The following PTPRT variants were observed in gnomAD, a reference collection of about 807,000 sequenced individuals.
The protein encoded by PTPRT is receptor-type tyrosine-protein phosphatase T.
Under a neutral mutation model 176.8 loss-of-function variants are expected in PTPRT, and 56 were observed. That is an observed-to-expected ratio of 0.32 (90% confidence interval 0.26 to 0.40). PTPRT has a LOEUF of 0.40. Among genes scored for constraint, PTPRT ranks in the 10% least tolerant of loss-of-function variants. PTPRT has a pLI of 1.00. For synonymous variants in PTPRT, 783 were observed against 739.0 expected, an observed-to-expected ratio of 1.06 and a Z score of -0.96; for missense variants, 1,540 against 1,908.2, an observed-to-expected ratio of 0.81 and a Z score of 3.60.
chr20:42,539,445 T>C (rs1180468634), intron 7 of PTPRT, among the ~76,000 whole-genome samples: 3 of 151,260 alleles, frequency 2.0e-5, no homozygotes, highest in Non-Finnish European at 4.4e-5. Context: ...TGATCTCTCA[T>C]TGCTTAAATA....
chr20:42,873,335 C>T (rs2078876242), intron 2 of PTPRT, among the ~76,000 whole-genome samples: 1 of 152,224 alleles, frequency 6.6e-6, no homozygotes, highest in South Asian at 2.1e-4. Context: ...ATGTTACCTA[C>T]ACTGCATAGG....
intron 7 of PTPRT, among the ~76,000 whole-genome samples, chr20:42,518,043 T>C (rs1228682828): frequency 2.6e-5 from 4 of 152,018 alleles, no homozygotes; most frequent in Admixed American, 2.0e-4. Context: ...CTTATAATTA[T>C]AATGTATTTG....
intron 7 of PTPRT, among the ~76,000 whole-genome samples, chr20:42,488,724 G>T (rs945757357): frequency 1.1e-4 from 16 of 152,036 alleles, no homozygotes; most frequent in African/African-American, 3.6e-4. Flanking sequence ...CAGTACTTTG[G>T]GAGGCCGAGG....
chr20:43,112,372 A>G (rs1450965119), intron 1 of PTPRT, among the ~76,000 whole-genome samples: 1 of 152,198 alleles, frequency 6.6e-6, no homozygotes, highest in Non-Finnish European at 1.5e-5. Flanking sequence ...CTTGTAAACA[A>G]TGGCATGGGA....
At chr20:42,419,577 G>T (rs980570886) in intron 9 of PTPRT, among the ~76,000 whole-genome samples, 2 of 152,092 alleles carry the variant, frequency 1.3e-5, no homozygotes, top group Non-Finnish European at 2.9e-5. Context: ...GGAACTTGAG[G>T]CTGGGGTAAG....
chr20:42,061,025 A>G, the PTPRT span, among the ~76,000 whole-genome samples: 35 of 152,354 alleles, frequency 2.3e-4, no homozygotes, highest in African/African-American at 8.4e-4. Flanking sequence ...AATGGGGATA[A>G]TAATGGAACC....
chr20:42,771,320 C>T (rs2077059159), intron 5 of PTPRT, 115 bp downstream of exon 5: 4 of 898,060 alleles, frequency 4.5e-6, no homozygotes, highest in South Asian at 3.1e-5. Flanking sequence ...GCTGTTGTCC[C>T]CCTCTGCATG....
intron 6 of PTPRT, among the ~76,000 whole-genome samples, chr20:42,691,552 A>T (rs1483324026): frequency 6.6e-6 from 1 of 152,140 alleles, no homozygotes; most frequent in Non-Finnish European, 1.5e-5. Flanking sequence ...CATAGAGCCT[A>T]CTCAGTTTGT....
the PTPRT span, among the ~76,000 whole-genome samples, chr20:42,042,495 G>T: frequency 6.6e-6 from 1 of 152,146 alleles, no homozygotes; most frequent in Non-Finnish European, 1.5e-5. Flanking sequence ...TGGTCTGGGA[G>T]CAGCTTTCCC....
Position 42,471,904 on chromosome 20 carries a change from C to T in PTPRT, c.1450+362G>A, listed in dbSNP as rs536302562. Among the ~76,000 whole-genome samples, 156 of 152,282 alleles carry T rather than the reference C, an allele frequency of 1.0e-3. 3 individuals are homozygous for T. Among genetic ancestry groups the T allele is most frequent in the Non-Finnish European group, 2.8e-4 (19 of 68,026 alleles). On this transcript the variant is annotated intron_variant, in intron 8 of 30. Coordinates refer to ENST00000373187, the MANE Select transcript of PTPRT (RefSeq NM_007050.6). ...ACTCCTGAGATAGGCAATCCACCTG[C>T]CTCAGCCTCCCAAAGTGCTAGGATT...
At chr20:42,334,746 C>T (rs1173524958) in intron 11 of PTPRT, among the ~76,000 whole-genome samples, 1 of 152,226 alleles carries the variant, frequency 6.6e-6, no homozygotes, top group Non-Finnish European at 1.5e-5. Context: ...CTCTGAATCT[C>T]ACTGGTTATG....
intron 7 of PTPRT, among the ~76,000 whole-genome samples, chr20:42,637,583 C>T (rs1007829133): frequency 3.3e-5 from 5 of 152,136 alleles, no homozygotes; most frequent in Non-Finnish European, 7.3e-5. Context: ...TAAAATCGCT[C>T]TTCTCCACAG....
intron 7 of PTPRT, among the ~76,000 whole-genome samples, chr20:42,592,705 G>A (rs1241588815): frequency 6.6e-6 from 1 of 152,196 alleles, no homozygotes; most frequent in African/African-American, 2.4e-5. Context: ...TACTATTTGT[G>A]TAGACCTTAC....
chr20:42,771,386 T>G (rs749050805), intron 5 of PTPRT, 49 bp downstream of exon 5: 101 of 1,506,164 alleles, frequency 6.7e-5, no homozygotes, highest in Non-Finnish European at 8.5e-5. Flanking sequence ...GTCCTTCTTT[T>G]CCCTTTCTCA....
intron 12 of PTPRT, among the ~76,000 whole-genome samples, chr20:42,303,863 T>C (rs578020024): frequency 7.2e-5 from 11 of 152,254 alleles, no homozygotes; most frequent in Non-Finnish European, 1.2e-4. Flanking sequence ...AGGTGATGTA[T>C]AGCAGGAAAC....
chr20:42,877,500 C>T (rs948448081), intron 2 of PTPRT, among the ~76,000 whole-genome samples: 8 of 152,042 alleles, frequency 5.3e-5, no homozygotes, highest in South Asian at 2.1e-4. Context: ...AGGCTGCTCT[C>T]GTGTGATTAC....
intron 7 of PTPRT, among the ~76,000 whole-genome samples, chr20:42,571,920 G>T (rs1046956491): frequency 6.6e-6 from 1 of 152,182 alleles, no homozygotes; most frequent in Admixed American, 6.5e-5. Flanking sequence ...TCAGCCAGGA[G>T]AATCTCATTA....
intron 25 of PTPRT, among the ~76,000 whole-genome samples, chr20:42,103,756 G>A (rs1324216580): frequency 6.6e-6 from 1 of 152,192 alleles, no homozygotes; most frequent in African/African-American, 2.4e-5. Flanking sequence ...AGGGATGAAG[G>A]AGCATGAAAT....
intron 1 of PTPRT, among the ~76,000 whole-genome samples, chr20:43,086,268 G>A (rs980770717): frequency 7.2e-5 from 11 of 152,176 alleles, no homozygotes; most frequent in Non-Finnish European, 1.0e-4. Context: ...AGGCAAGGGC[G>A]CCCTCACTCA....
Sources: gnomAD v4.1 joint callset for allele counts (sites outside exome capture counted in the v4.1 genomes callset) on GRCh38, gnomAD v4.1.1 for gene constraint, MANE v1.5 for transcripts, NCBI Gene and HGNC (gene_info 2026-07-23, HGNC 2026-07-21) for gene names.